The following GALNTL6 variants were observed in gnomAD, a reference collection of about 807,000 sequenced individuals.
GALNTL6 encodes polypeptide N-acetylgalactosaminyltransferase like 6.
GALNTL6 carries 46 observed loss-of-function variants against 73.7 expected under a neutral mutation model. The ratio of observed to expected loss-of-function variants is 0.62; its 90% confidence interval spans 0.49 to 0.80. The LOEUF (loss-of-function observed/expected upper bound fraction) is 0.80. Ranked by LOEUF, GALNTL6 falls within the 30% of genes least tolerant of loss-of-function variation. The probability of loss-of-function intolerance (pLI) is 0.00; values close to 1 mark genes in which losing one functional copy is unlikely to be tolerated. For synonymous variants in GALNTL6, 259 were observed against 263.7 expected (o/e 0.98, Z 0.17); for missense variants, 604 against 755.0 (o/e 0.80, Z 2.34).
chr4:172,028,029 A>C lies in GALNTL6; in HGVS notation c.139-201627A>C, dbSNP rs115241373. ...CTATAGCAGATTACCCAGAAGATCT[A>C]GCTAGAATAATTGATGAAGGTGGCT... is the stretch of plus-strand genomic sequence containing the variant. On this transcript the variant is annotated intron_variant, in intron 2 of 12. Coordinates refer to ENST00000506823, the MANE Select transcript of GALNTL6 (RefSeq NM_001034845.3). Among the ~76,000 whole-genome samples the C allele has an allele frequency of 4.2e-3, 643 of 152,270 alleles. 13 individuals are homozygous for C. The highest frequency in any genetic ancestry group is 0.014 in the African/African-American group (601 of 41,578).
rs180792924 is a variant in GALNTL6 at position 172,008,899 on chromosome 4, G to A, written c.138+194181G>A. On this transcript the variant is annotated intron_variant, in intron 2 of 12. Coordinates refer to ENST00000506823, the MANE Select transcript of GALNTL6 (RefSeq NM_001034845.3). ...GATGTCTGTGTGTAGAGGAGGGAGG[G>A]TGGTAAATTTTAAAAAGAAACAAAA... Among the ~76,000 whole-genome samples, 14 of 151,306 alleles carry A rather than the reference G, an allele frequency of 9.3e-5. No individual in the cohort carries two copies. In the East Asian group the frequency reaches 2.7e-3, roughly 30 times the overall value.
At chr4:172,321,325 G>A (rs1371237832) in intron 4 of GALNTL6, among the ~76,000 whole-genome samples, 1 of 152,094 alleles carries the variant, frequency 6.6e-6, no homozygotes, top group Non-Finnish European at 1.5e-5. Flanking sequence ...CAAGTGGGAG[G>A]CAGAATAATC....
At chr4:171,841,645 A>T (rs1004879556) in intron 2 of GALNTL6, among the ~76,000 whole-genome samples, 18 of 152,118 alleles carry the variant, frequency 1.2e-4, no homozygotes, top group African/African-American at 3.9e-4. Flanking sequence ...GAGGAAATAG[A>T]AATCATGATA....
At position 172,518,005 on chromosome 4, in the gene GALNTL6, T is replaced by C. The variant is rs531773539; in HGVS notation, c.553+169316T>C. 2.6e-5 allele frequency among the ~76,000 whole-genome samples: 4 copies of C among 152,134 alleles called. No homozygotes were observed. The South Asian group carries it at 8.3e-4, about 32-fold the overall frequency. On this transcript the variant is annotated intron_variant, in intron 5 of 12. Coordinates refer to ENST00000506823, the MANE Select transcript of GALNTL6 (RefSeq NM_001034845.3). ...AGGTGATTCCTAAAGGCAAGCACAG[T>C]TATTGAATTTTCCAAAACAGTCTCA...
At chr4:172,738,155 T>C (rs1188103217) in intron 5 of GALNTL6, among the ~76,000 whole-genome samples, 3 of 152,116 alleles carry the variant, frequency 2.0e-5, no homozygotes, top group African/African-American at 4.8e-5. Flanking sequence ...CCCAAGAAAA[T>C]GGGGAAATTT....
intron 2 of GALNTL6, among the ~76,000 whole-genome samples, chr4:172,103,509 T>A (rs1732582334): frequency 6.6e-6 from 1 of 152,210 alleles, no homozygotes. Flanking sequence ...ATTCTCCAGT[T>A]ATATCAGCCC....
At chr4:171,873,320 G>A (rs1195623485) in intron 2 of GALNTL6, among the ~76,000 whole-genome samples, 2 of 152,142 alleles carry the variant, frequency 1.3e-5, no homozygotes, top group African/African-American at 4.8e-5. Flanking sequence ...ATGATTGAAC[G>A]AACTTGAATC....
chr4:172,729,145 T>C (rs1579404734), intron 5 of GALNTL6, among the ~76,000 whole-genome samples: 1 of 152,154 alleles, frequency 6.6e-6, no homozygotes, highest in African/African-American at 2.4e-5. Context: ...TTCAGATGGA[T>C]AGTTTGCAAA....
At chr4:172,097,392 G>A (rs1214579086) in intron 2 of GALNTL6, among the ~76,000 whole-genome samples, 2 of 152,114 alleles carry the variant, frequency 1.3e-5, no homozygotes, top group Non-Finnish European at 2.9e-5. Flanking sequence ...CTATGCCCTT[G>A]GCAACTGAGG....
At chr4:172,350,311 A>G (rs1335507323) in intron 5 of GALNTL6, among the ~76,000 whole-genome samples, 1 of 152,188 alleles carries the variant, frequency 6.6e-6, no homozygotes, top group Non-Finnish European at 1.5e-5. Context: ...TTCTTGTTAA[A>G]TATTTCTCAG....
intron 2 of GALNTL6, among the ~76,000 whole-genome samples, chr4:172,102,044 A>G (rs957018634): frequency 6.6e-6 from 1 of 152,164 alleles, no homozygotes; most frequent in Non-Finnish European, 1.5e-5. Flanking sequence ...TATCTGTTTT[A>G]TAAAAGGTGA....
At chr4:172,691,564 C>T (rs561969421) in intron 5 of GALNTL6, among the ~76,000 whole-genome samples, 1 of 152,304 alleles carries the variant, frequency 6.6e-6, no homozygotes, top group South Asian at 2.1e-4. Context: ...GTCATTACTG[C>T]TCATGACTCA....
At chr4:172,687,645 A>T (rs1049293688) in intron 5 of GALNTL6, among the ~76,000 whole-genome samples, 2 of 143,076 alleles carry the variant, frequency 1.4e-5, no homozygotes, top group Non-Finnish European at 3.1e-5. Context: ...AAAAAAAAAA[A>T]TTTCTTGAAG....
At chr4:172,525,151 G>A (rs886584303) in intron 5 of GALNTL6, among the ~76,000 whole-genome samples, 10 of 152,106 alleles carry the variant, frequency 6.6e-5, no homozygotes, top group Non-Finnish European at 2.9e-5. Flanking sequence ...ACTTATAATT[G>A]TCAAAGCTTT....
chr4:172,489,735 TC>T (rs1478205343), intron 5 of GALNTL6, among the ~76,000 whole-genome samples: 7 of 152,214 alleles, frequency 4.6e-5, no homozygotes, highest in African/African-American at 1.7e-4. Flanking sequence ...TGGTTGCTAT[TC>T]AACCAGGAAT....
intron 3 of GALNTL6, among the ~76,000 whole-genome samples, chr4:172,242,378 T>C (rs1342873737): frequency 4.6e-5 from 7 of 152,156 alleles, no homozygotes. Flanking sequence ...ATATCACTGA[T>C]ATGTTTTCTA....
At chr4:172,922,757 GAACC>G (rs1747859084) in intron 8 of GALNTL6, among the ~76,000 whole-genome samples, 1 of 152,198 alleles carries the variant, frequency 6.6e-6, no homozygotes, top group Admixed American at 6.5e-5. Context: ...TCTATGTGCT[GAACC>G]CTTCAACAGT....
At chr4:172,866,213 G>T (rs1487353126) in intron 7 of GALNTL6, among the ~76,000 whole-genome samples, 1 of 152,150 alleles carries the variant, frequency 6.6e-6, no homozygotes, top group Non-Finnish European at 1.5e-5. Flanking sequence ...ATAGAAATCT[G>T]ATTATGCCAT....
intron 5 of GALNTL6, among the ~76,000 whole-genome samples, chr4:172,461,988 G>GA (rs1470202392): frequency 6.6e-6 from 1 of 151,794 alleles, no homozygotes; most frequent in Admixed American, 6.6e-5. Context: ...GGACTAAATA[G>GA]AAAAAAAAGG....
Sources: allele counts gnomAD v4.1 joint callset (sites outside exome capture counted in the v4.1 genomes callset), GRCh38; gene constraint gnomAD v4.1.1; transcripts MANE v1.5; gene names NCBI Gene and HGNC (gene_info 2026-07-23, HGNC 2026-07-21).